Variants in TRIM48 observed in about 807,000 individuals in gnomAD.
TRIM48 encodes the protein E3 ubiquitin-protein ligase TRIM48.
Under a neutral mutation model 29.5 loss-of-function variants are expected in TRIM48, and 31 were observed. The ratio of observed to expected loss-of-function variants is 1.05; its 90% CI spans 0.79 to 1.42. The LOEUF is 1.42. Among genes scored for constraint, TRIM48 ranks in the 40% most tolerant of loss-of-function variants. The pLI is 0.00. For missense variants in TRIM48, 344 were observed against 265.0 expected, an observed-to-expected ratio of 1.30 and a Z score of -2.07; for synonymous variants, 128 against 90.6, an observed-to-expected ratio of 1.41 and a Z score of -2.34.
intron 1 of TRIM48, among the ~76,000 whole-genome samples, chr11:55,263,052 C>T (rs532151753): frequency 6.6e-6 from 1 of 152,184 alleles, no homozygotes; most frequent in African/African-American, 2.4e-5. Flanking sequence ...GCTCTCCAGA[C>T]AGACAGAATC....
In TRIM48 at chr11:55,265,022, A is replaced by T. The variant is rs1857364416; in HGVS notation, c.167A>T (p.Tyr56Phe). The part of the protein sequence containing the change: ...CGHSFCRPCF[Y>F]LNWQDIPILT... ...CACAGCTTTTGCAGGCCCTGTTTCTACCTCAACTGGCAAGACATCCCAATT... is the reference window on the plus strand; with the variant it reads ...CACAGCTTTTGCAGGCCCTGTTTCTTCCTCAACTGGCAAGACATCCCAATT... Residue 56 changes from tyrosine (Y) to phenylalanine (F), a missense_variant, in exon 2 of 6, where the codon TAC becomes TTC. Physicochemically the swap from Tyr to Phe is conservative, Grantham distance 22. Coordinates refer to ENST00000417545, the MANE Select transcript of TRIM48 (RefSeq NM_024114.5). The T allele has an allele frequency of 1.9e-6, 3 of 1,584,286 alleles. 1 individual carries two copies. The highest frequency in any genetic ancestry group is 8.6e-7 in the Non-Finnish European group (1 of 1,166,298).
chr11:55,270,309 G>T lies in TRIM48; in HGVS notation c.*2-128G>T, dbSNP rs186104464. Reference sequence around the variant, plus strand: ...ACTTTATTAGAAGTTACAAGCAAAAGTGTCCTTGTGACTTTACGTTTCCTG... The same window carrying T: ...ACTTTATTAGAAGTTACAAGCAAAATTGTCCTTGTGACTTTACGTTTCCTG... On this transcript the variant is annotated intron_variant, in intron 5 of 5. Coordinates refer to ENST00000417545, the MANE Select transcript of TRIM48 (RefSeq NM_024114.5). 21 of 707,410 alleles carry T rather than the reference G, an allele frequency of 3.0e-5. 2 individuals are homozygous for T. Among genetic ancestry groups the T allele is most frequent in the Middle Eastern group, 8.4e-4 (2 of 2,386 alleles). 43.8% of individuals were successfully genotyped at this position (707,410 alleles called of 1,614,324 possible).
Position 55,269,340 on chromosome 11 carries a change from G to T in TRIM48, c.*1+1G>T, listed in dbSNP as rs750550693. The T allele has an allele frequency of 6.4e-7, 1 of 1,574,012 alleles. No individual in the cohort carries two copies. The highest frequency in any genetic ancestry group is 8.6e-7 in the Non-Finnish European group (1 of 1,165,778). On this transcript the variant is annotated splice_donor_variant, in intron 5 of 5. Coordinates refer to ENST00000417545, the MANE Select transcript of TRIM48 (RefSeq NM_024114.5). LOFTEE classifies it low-confidence loss of function (3UTR_SPLICE). ...AGGGACAGGCTCAACCAATTCTGAG[G>T]TAAGTCTCCACCCACAGGCAGCACC...
intron 5 of TRIM48, 121 bp downstream of exon 5, chr11:55,269,460 A>G (rs1857445342): frequency 7.7e-7 from 1 of 1,297,532 alleles, no homozygotes; most frequent in South Asian, 1.5e-5. Context: ...AGAGAACAAT[A>G]TAATCATGCA....
In TRIM48 at chr11:55,265,696, G is replaced by A; in HGVS notation, c.555+1G>A. On this transcript the variant is annotated splice_donor_variant, in intron 3 of 5. Transcript: ENST00000417545. LOFTEE classifies it high-confidence loss of function. ...AACCACCAGAATCAGCCACTGGAAG[G>A]TTAGTCCTGTAATACCCTACCTTCT... 2 of 1,576,954 alleles carry A rather than the reference G, an allele frequency of 1.3e-6. 1 individual carries two copies. The highest frequency in any genetic ancestry group is 2.4e-5 in the South Asian group (2 of 83,350).
chr11:55,269,037 G>A (rs1353120173), intron 4 of TRIM48, among the ~76,000 whole-genome samples: 1 of 148,286 alleles, frequency 6.7e-6, no homozygotes, highest in Non-Finnish European at 1.5e-5. Context: ...AGAAACATCA[G>A]ACTGAATTCT....
chr11:55,267,325 TC>T, intron 3 of TRIM48: 1 of 1,408,898 alleles, frequency 7.1e-7, no homozygotes, highest in Non-Finnish European at 9.7e-7. Flanking sequence ...TATTGGATGT[TC>T]GAGAGACAAA....
rs1249420452 is a variant in TRIM48, at chr11:55,268,740, A to C, written c.578+368A>C. Among the ~76,000 whole-genome samples, 74 of 147,770 alleles carry C rather than the reference A, an allele frequency of 5.0e-4. 4 individuals are homozygous for C. The highest frequency in any genetic ancestry group is 1.4e-3 in the African/African-American group (58 of 40,362). ...TGATTTGTTGTTCATACCTATACAC[A>C]TATCAGTTAACAGTTCCGAAAAATA... On this transcript the variant is annotated intron_variant, in intron 4 of 5. Transcript: ENST00000417545.
intron 3 of TRIM48, chr11:55,267,392 C>A (rs1216532722): frequency 1.3e-6 from 2 of 1,569,994 alleles, no homozygotes; most frequent in Non-Finnish European, 1.7e-6. Flanking sequence ...TTTGACTAAC[C>A]CATTATTACT....
In TRIM48 at chr11:55,269,345, T is replaced by A. The variant is rs1565079455; in HGVS notation, c.*1+6T>A. ...CAGGCTCAACCAATTCTGAGGTAAG[T>A]CTCCACCCACAGGCAGCACCCCCAC... On this transcript the variant is annotated splice_donor_region_variant and intron_variant, in intron 5 of 5. Coordinates refer to ENST00000417545, the MANE Select transcript of TRIM48 (RefSeq NM_024114.5). 6.4e-7 allele frequency: 1 copy of A among 1,573,256 alleles called. No individual in the cohort carries two copies. The highest frequency in any genetic ancestry group is 8.6e-7 in the Non-Finnish European group (1 of 1,165,538).
At chr11:55,264,615 C>A (rs1857358315) in intron 1 of TRIM48, among the ~76,000 whole-genome samples, 1 of 147,926 alleles carries the variant, frequency 6.8e-6, no homozygotes, top group Non-Finnish European at 1.5e-5. Context: ...AACCCAATTT[C>A]CAGATCCACA....
intron 1 of TRIM48, among the ~76,000 whole-genome samples, chr11:55,263,274 G>A (rs1444211583): frequency 4.6e-5 from 7 of 152,276 alleles, no homozygotes; most frequent in Non-Finnish European, 7.3e-5. Context: ...TAGTCTAGGA[G>A]CAATAGGCTG....
intron 5 of TRIM48, among the ~76,000 whole-genome samples, chr11:55,269,586 G>A (rs1857448922): frequency 6.8e-6 from 1 of 147,524 alleles, no homozygotes; most frequent in Non-Finnish European, 1.5e-5. Context: ...GAAAAAAGGA[G>A]TAGTGTAGCA....
At chr11:55,268,805 C>A (rs1307874102) in intron 4 of TRIM48, among the ~76,000 whole-genome samples, 1 of 147,846 alleles carries the variant, frequency 6.8e-6, no homozygotes, top group Non-Finnish European at 1.5e-5. Flanking sequence ...GTATAAGTCT[C>A]TAGGGAAGCT....
Position 55,270,623 on chromosome 11 carries a change from A to T in TRIM48, c.*188A>T. On this transcript the variant is annotated 3_prime_UTR_variant, in exon 6 of 6. Coordinates refer to ENST00000417545, the MANE Select transcript of TRIM48 (RefSeq NM_024114.5). ...TATTACTGGGAGGTCCATGTGGGGG[A>T]CTCTTGGAATTGGGCTTTTGGTGTC... is the stretch of plus-strand genomic sequence containing the variant. The T allele has an allele frequency of 6.3e-7, 1 of 1,581,970 alleles. No homozygotes were observed. The highest frequency in any genetic ancestry group is 8.6e-7 in the Non-Finnish European group (1 of 1,164,910).
chr11:55,262,554 C>A (rs1438046511), intron 1 of TRIM48, among the ~76,000 whole-genome samples: 1 of 151,732 alleles, frequency 6.6e-6, no homozygotes, highest in African/African-American at 2.4e-5. Flanking sequence ...GATATGTATG[C>A]ATAATGAATA....
chr11:55,264,009 C>A (rs142714208), intron 1 of TRIM48, among the ~76,000 whole-genome samples: 97 of 152,244 alleles, frequency 6.4e-4, no homozygotes, highest in Non-Finnish European at 1.2e-3. Flanking sequence ...ATGTCTCTCT[C>A]CTCCGGAAAC....
rs1857382327 is a variant in TRIM48, at chr11:55,265,715, A to T, written c.555+20A>T. ...TGGAAGGTTAGTCCTGTAATACCCTACCTTCTCCAGGAACTTATGGTGGGC... is the reference window on the plus strand; with the variant it reads ...TGGAAGGTTAGTCCTGTAATACCCTTCCTTCTCCAGGAACTTATGGTGGGC... On this transcript the variant is annotated intron_variant, in intron 3 of 5. Coordinates refer to ENST00000417545, the MANE Select transcript of TRIM48 (RefSeq NM_024114.5). 1 of 1,568,760 alleles carries T rather than the reference A, an allele frequency of 6.4e-7. No individual in the cohort carries two copies. The highest frequency in any genetic ancestry group is 1.4e-5 in the African/African-American group (1 of 72,150).
At chr11:55,268,782 G>C (rs1176068580) in intron 4 of TRIM48, among the ~76,000 whole-genome samples, 1 of 147,706 alleles carries the variant, frequency 6.8e-6, no homozygotes, top group Non-Finnish European at 1.5e-5. Context: ...AAAAACTATG[G>C]AGTGTTAGAA....
Sources: allele counts gnomAD v4.1 joint callset (sites outside exome capture counted in the v4.1 genomes callset), GRCh38; gene constraint gnomAD v4.1.1; transcripts MANE v1.5; gene names NCBI Gene and HGNC (gene_info 2026-07-23, HGNC 2026-07-21).